ZNF143: variants seen among roughly 807,000 people sequenced by gnomAD.
The protein encoded by ZNF143 is zinc finger protein 143, also known as SPH-binding factor.
A neutral mutation model predicts 74.1 loss-of-function variants in ZNF143; 49 were observed. The ratio of observed to expected loss-of-function variants is 0.66; its 90% CI spans 0.53 to 0.84. ZNF143 has a LOEUF of 0.84. ZNF143 is among the 40% of genes least tolerant of loss of function. The pLI, the probability that ZNF143 is intolerant of heterozygous loss-of-function variation, is 0.00. For missense variants in ZNF143, 637 were observed against 793.4 expected (o/e 0.80, Z 2.37); for synonymous variants, 304 against 282.8 (o/e 1.07, Z -0.75).
chr11:9,512,275 T>G (rs1252542851), intron 12 of ZNF143, among the ~76,000 whole-genome samples, 173 bp from the exon 13 acceptor site: 1 of 152,210 alleles, frequency 6.6e-6, no homozygotes, highest in Admixed American at 6.5e-5. Context: ...AGTTTGCCTT[T>G]GCAAAAGTGG....
intron 7 of ZNF143, among the ~76,000 whole-genome samples, chr11:9,484,815 T>TTTTTTTTTTTTG (rs59421396): frequency 7.3e-6 from 1 of 136,350 alleles, no homozygotes. Flanking sequence ...TTTTTTTTTT[T>TTTTTTTTTTTTG]GAGACGGAGT....
chr11:9,485,176 C>T (rs965245226), intron 7 of ZNF143, among the ~76,000 whole-genome samples: 10 of 150,692 alleles, frequency 6.6e-5, no homozygotes, highest in African/African-American at 2.0e-4. Context: ...CAAAATGACC[C>T]GTAATCTTAC....
intron 10 of ZNF143, 102 bp from the exon 11 acceptor site, chr11:9,500,989 G>T: frequency 7.2e-7 from 1 of 1,393,008 alleles, no homozygotes; most frequent in East Asian, 2.4e-5. Flanking sequence ...GCACAAGAAG[G>T]CTAGAGTCTT....
chr11:9,491,680 C>T (rs988980324), intron 7 of ZNF143, among the ~76,000 whole-genome samples: 2 of 152,072 alleles, frequency 1.3e-5, no homozygotes, highest in Admixed American at 6.5e-5. Context: ...ACCCAGGATG[C>T]GTTGCAGTGG....
At chr11:9,499,826 A>G (rs1385818052) in intron 10 of ZNF143, among the ~76,000 whole-genome samples, 2 of 152,220 alleles carry the variant, frequency 1.3e-5, no homozygotes, top group Non-Finnish European at 2.9e-5. Context: ...AGCTCATCCT[A>G]GAAAAGGGTA....
intron 1 of ZNF143, among the ~76,000 whole-genome samples, chr11:9,465,857 C>T (rs928772605): frequency 2.0e-5 from 3 of 151,878 alleles, no homozygotes; most frequent in Non-Finnish European, 2.9e-5. Flanking sequence ...GAGGATTTCT[C>T]TCTGTTTCCC....
chr11:9,498,099 C>T (rs912859936), intron 10 of ZNF143, among the ~76,000 whole-genome samples: 3 of 151,990 alleles, frequency 2.0e-5, no homozygotes, highest in East Asian at 3.9e-4. Context: ...CAAAGTGCTG[C>T]GATTACAGGC....
chr11:9,504,127 A>C (rs1270276483), intron 11 of ZNF143, among the ~76,000 whole-genome samples: 1 of 150,408 alleles, frequency 6.6e-6, no homozygotes, highest in Non-Finnish European at 1.5e-5. Flanking sequence ...CACCCAGCTA[A>C]TTTTTGTATT....
At chr11:9,472,356 G>A (rs1057265566) in intron 2 of ZNF143, among the ~76,000 whole-genome samples, 1 of 151,838 alleles carries the variant, frequency 6.6e-6, no homozygotes, top group African/African-American at 2.4e-5. Context: ...GGGTTCAAGC[G>A]ATTCTTCTGC....
chr11:9,469,285 G>A (rs1468676623), intron 1 of ZNF143, among the ~76,000 whole-genome samples: 1 of 140,238 alleles, frequency 7.1e-6, no homozygotes, highest in Admixed American at 7.5e-5. Flanking sequence ...AGCTTGGAGT[G>A]CAATGTTGTG....
At chr11:9,463,984 A>G (rs889293758) in intron 1 of ZNF143, 1 of 151,694 alleles carries the variant, frequency 6.6e-6, no homozygotes, top group African/African-American at 2.4e-5. Context: ...GCTTTTTCCC[A>G]CTTACCATAT....
At chr11:9,506,464 G>T (rs1399884373) in intron 11 of ZNF143, among the ~76,000 whole-genome samples, 1 of 152,326 alleles carries the variant, frequency 6.6e-6, no homozygotes, top group South Asian at 2.1e-4. Context: ...GATGTCTTTG[G>T]AACATTTAGG....
chr11:9,521,953 C>G (rs1848945806), intron 14 of ZNF143, among the ~76,000 whole-genome samples: 1 of 151,306 alleles, frequency 6.6e-6, no homozygotes, highest in African/African-American at 2.4e-5. Context: ...GTAGTCCCAG[C>G]TACTCAGGAG....
intron 2 of ZNF143, among the ~76,000 whole-genome samples, chr11:9,471,710 G>A (rs1050762143): frequency 6.6e-6 from 1 of 151,574 alleles, no homozygotes; most frequent in South Asian, 2.1e-4. Flanking sequence ...GTGCCACCAC[G>A]TCCGGCTAAT....
At chr11:9,494,572 A>C in intron 7 of ZNF143, 74 bp from the exon 8 acceptor site, 1 of 1,478,982 alleles carries the variant, frequency 6.8e-7, no homozygotes, top group Non-Finnish European at 9.2e-7. Context: ...CTGCCTCCCC[A>C]TGTGCTAAGA....
At chr11:9,527,093 G>T (rs927084917) in intron 15 of ZNF143, among the ~76,000 whole-genome samples, 11 of 151,984 alleles carry the variant, frequency 7.2e-5, no homozygotes, top group Non-Finnish European at 1.5e-4. Flanking sequence ...TCGGCCTCCC[G>T]AAGTGCTGAG....
At chr11:9,479,637 C>T in intron 7 of ZNF143, 91 bp downstream of exon 7, 1 of 1,019,798 alleles carries the variant, frequency 9.8e-7, no homozygotes, top group Non-Finnish European at 1.5e-6. Context: ...CTCACTACCT[C>T]TCTAGGAAAA....
In ZNF143 at chr11:9,516,197, G is replaced by A. The variant is rs1263415790; in HGVS notation, c.1525-4G>A. The A allele has an allele frequency of 1.1e-5, 17 of 1,613,256 alleles. No individual in the cohort carries two copies. The highest frequency in any genetic ancestry group is 2.2e-5 in the East Asian group (1 of 44,864). On this transcript the variant is annotated splice_region_variant and splice_polypyrimidine_tract_variant and intron_variant, in intron 13 of 15. Coordinates refer to ENST00000396602, the MANE Select transcript of ZNF143 (RefSeq NM_003442.6). ...ACTGCTTTGTAAAATTCACTGTATT[G>A]CAGGTCAACATATCTCAAGCTGACA... is the stretch of plus-strand genomic sequence containing the variant.
intron 14 of ZNF143, among the ~76,000 whole-genome samples, chr11:9,523,605 G>T (rs1849017774): frequency 6.6e-6 from 1 of 151,950 alleles, no homozygotes. Context: ...GTGATGGCGG[G>T]CGCCTGTAGT....
Sources: allele counts gnomAD v4.1 joint callset (sites outside exome capture counted in the v4.1 genomes callset), GRCh38; gene constraint gnomAD v4.1.1; transcripts MANE v1.5; gene names NCBI Gene and HGNC (gene_info 2026-07-23, HGNC 2026-07-21).